The following APBB2 variants were observed in gnomAD, a reference collection of about 807,000 sequenced individuals.
The protein encoded by APBB2 is amyloid beta precursor protein binding family B member 2.
Under a neutral mutation model 82.5 loss-of-function variants are expected in APBB2, and 38 were observed. The observed-to-expected ratio is 0.46, with a 90% CI of 0.36 to 0.60. APBB2 has a LOEUF of 0.60. APBB2 is among the 20% of genes least tolerant of loss of function. APBB2 has a pLI of 0.00. For synonymous variants in APBB2, 341 were observed against 368.2 expected, an observed-to-expected ratio of 0.93 and a Z score of 0.85; for missense variants, 772 against 972.3, an observed-to-expected ratio of 0.79 and a Z score of 2.74.
In APBB2 at chr4:41,142,066, A is replaced by C. The variant is rs142251829; in HGVS notation, c.-261+921T>G. Among the ~76,000 whole-genome samples, 68 of 152,286 alleles carry C rather than the reference A, an allele frequency of 4.5e-4. 1 individual carries two copies. In the East Asian group the frequency reaches 0.011, roughly 24 times the overall value. ...AAACAAGGGCAATTGTCCAGGAAAA[A>C]TCTGGATGATTTATTAAAAGATGGA... On this transcript the variant is annotated intron_variant, in intron 2 of 17. Coordinates refer to ENST00000508593, the MANE Select transcript of APBB2 (RefSeq NM_004307.2).
intron 12 of APBB2, among the ~76,000 whole-genome samples, chr4:40,890,090 T>C (rs1771527163): frequency 6.6e-6 from 1 of 152,148 alleles, no homozygotes; most frequent in Non-Finnish European, 1.5e-5. Context: ...GAAACTTGGT[T>C]GCATGAGGAG....
chr4:41,065,740 T>C (rs1199699974), intron 3 of APBB2, 67 bp from the exon 4 acceptor site: 1 of 151,616 alleles, frequency 6.6e-6, no homozygotes, highest in Non-Finnish European at 1.5e-5. Context: ...ACAGCTTTTT[T>C]TTTTTTTTTT....
At position 40,811,811 on chromosome 4, in the gene APBB2, C is replaced by T. The variant is rs371557791; in HGVS notation, c.*4281G>A. 2.0e-5 allele frequency: 3 copies of T among 152,144 alleles called. No homozygotes were observed. Among genetic ancestry groups the T allele is most frequent in the African/African-American group, 4.8e-5 (2 of 41,446 alleles). The allele number at this position is 152,144 out of a possible 1,614,324, so 9.4% of individuals were successfully genotyped here. Reference sequence around the variant, plus strand: ...AACCACTGTGGAAGTGCAAGATGAACAAAAAGCGGGGACATACTTTAAATT... The same window carrying T: ...AACCACTGTGGAAGTGCAAGATGAATAAAAAGCGGGGACATACTTTAAATT... On this transcript the variant is annotated 3_prime_UTR_variant, in exon 18 of 18. Coordinates refer to ENST00000508593, the MANE Select transcript of APBB2 (RefSeq NM_004307.2).
At chr4:41,152,596 G>A (rs1560893097) in intron 1 of APBB2, among the ~76,000 whole-genome samples, 1 of 152,104 alleles carries the variant, frequency 6.6e-6, no homozygotes, top group Non-Finnish European at 1.5e-5. Context: ...CCAAAGTGCT[G>A]GGATTACAGG....
chr4:40,946,234 A>AG, intron 6 of APBB2, among the ~76,000 whole-genome samples: 1 of 62,070 alleles, frequency 1.6e-5, no homozygotes, highest in Non-Finnish European at 3.3e-5. Context: ...TCTATCTCCA[A>AG]AAAAAAAAAA....
chr4:40,948,945 TTA>T (rs1017633211), intron 6 of APBB2, among the ~76,000 whole-genome samples: 18 of 150,728 alleles, frequency 1.2e-4, no homozygotes, highest in Non-Finnish European at 2.2e-4. Context: ...ACTTTGGACT[TTA>T]TTAATTTTAT....
At position 41,127,167 on chromosome 4, in the gene APBB2, T is replaced by C. The variant is rs144201947; in HGVS notation, c.-261+15820A>G. Among the ~76,000 whole-genome samples the C allele has an allele frequency of 3.9e-4, 59 of 152,278 alleles. No homozygotes were observed. The highest frequency in any genetic ancestry group is 1.3e-3 in the African/African-American group (53 of 41,568). On this transcript the variant is annotated intron_variant, in intron 2 of 17. Transcript: ENST00000508593. This position sits in a 1 kb window ranked among gnomAD's most constrained non-coding sequence, Gnocchi z 4.8. ...ACAATGTCCCAATGACACCCTGATTTTGATTACAAAAAAAAAAAGCAACAT... is the reference window on the plus strand; with the variant it reads ...ACAATGTCCCAATGACACCCTGATTCTGATTACAAAAAAAAAAAGCAACAT...
chr4:40,900,614 C>T (rs1450497255), intron 10 of APBB2, among the ~76,000 whole-genome samples: 1 of 152,048 alleles, frequency 6.6e-6, no homozygotes, highest in Non-Finnish European at 1.5e-5. Context: ...GACCACCACG[C>T]TCACCTAATT....
intron 4 of APBB2, among the ~76,000 whole-genome samples, chr4:41,042,704 A>G (rs1229950318): frequency 6.6e-6 from 1 of 152,210 alleles, no homozygotes; most frequent in Non-Finnish European, 1.5e-5. Context: ...AAGCCAGCCA[A>G]CCATCAAACA....
Position 41,193,685 on chromosome 4 carries a change from T to C in APBB2, c.-417+20720A>G. ...TTGGATACAGAACCACCACTGCTGCTGTTACAGCAACTGTCTGAAAAACAC... is the reference window on the plus strand; with the variant it reads ...TTGGATACAGAACCACCACTGCTGCCGTTACAGCAACTGTCTGAAAAACAC... On this transcript the variant is annotated intron_variant, in intron 1 of 17. Coordinates refer to ENST00000508593, the MANE Select transcript of APBB2 (RefSeq NM_004307.2). The C allele has an allele frequency of 7.7e-4, 284 of 368,894 alleles. 3 individuals carry two copies. The Admixed American group carries it at 0.017, about 22-fold the overall frequency. 22.9% of individuals were successfully genotyped at this position (368,894 alleles called of 1,614,324 possible).
intron 2 of APBB2, among the ~76,000 whole-genome samples, chr4:41,137,107 A>G (rs772369271): frequency 1.3e-5 from 2 of 152,186 alleles, no homozygotes; most frequent in Non-Finnish European, 2.9e-5. Flanking sequence ...AAAATGTCCC[A>G]TTTTCATAAA....
At position 41,013,674 on chromosome 4, in the gene APBB2, G is replaced by C. The variant is rs750524542; in HGVS notation, c.744C>G (p.His248Gln). Reference protein sequence around the residue: ...KTGAKTDCALHRIQNLAPSDE... With the variant: ...KTGAKTDCALQRIQNLAPSDE... ...CGCTCGGTGCCAGGTTCTGGATCCGGTGCAGTGCACAGTCGGTTTTGGCCC... is the reference window on the plus strand; with the variant it reads ...CGCTCGGTGCCAGGTTCTGGATCCGCTGCAGTGCACAGTCGGTTTTGGCCC... The change falls in exon 6 of 18, where the codon CAC becomes CAG. Residue 248 changes from histidine (H) to glutamine (Q), a missense_variant. Physicochemically the swap from His to Gln is conservative, Grantham distance 24. Coordinates refer to ENST00000508593, the MANE Select transcript of APBB2 (RefSeq NM_004307.2). 6 of 1,614,226 alleles carry C rather than the reference G, an allele frequency of 3.7e-6. No homozygotes were observed. Among genetic ancestry groups the C allele is most frequent in the Non-Finnish European group, 5.1e-6 (6 of 1,180,040 alleles).
At chr4:40,922,195 G>A (rs1218779059) in intron 10 of APBB2, among the ~76,000 whole-genome samples, 2 of 152,200 alleles carry the variant, frequency 1.3e-5, no homozygotes, top group African/African-American at 4.8e-5. Context: ...AATCCAACTT[G>A]CAGTGCAGTT....
rs1427042501 is a variant in APBB2, at chr4:40,893,295, G to A, written c.1371C>T (p.Asp457=). Residue 457 remains aspartate (D), a synonymous_variant, in exon 11 of 18, where the codon GAC becomes GAT. Coordinates refer to ENST00000508593, the MANE Select transcript of APBB2 (RefSeq NM_004307.2). ...CIRQLSYCKN[D]IRDTVGIWGE... ...CCCAAATCCCGACTGTGTCTCGGAT[G>A]TCATTTTTGCAGTAGGAAAGTTGCC... is the stretch of plus-strand genomic sequence containing the variant. The A allele has an allele frequency of 6.2e-7, 1 of 1,613,856 alleles. No homozygotes were observed. The highest frequency in any genetic ancestry group is 8.5e-7 in the Non-Finnish European group (1 of 1,179,916).
intron 1 of APBB2, among the ~76,000 whole-genome samples, chr4:41,180,971 C>T (rs1345464970): frequency 6.6e-6 from 1 of 151,886 alleles, no homozygotes; most frequent in Non-Finnish European, 1.5e-5. Flanking sequence ...CACATTTGAT[C>T]AAATGAATCC....
chr4:41,008,053 G>A (rs1406803305), intron 6 of APBB2, among the ~76,000 whole-genome samples: 1 of 152,200 alleles, frequency 6.6e-6, no homozygotes, highest in Admixed American at 6.5e-5. Flanking sequence ...TAGAGGAATG[G>A]AAAGATCCCC....
intron 1 of APBB2, among the ~76,000 whole-genome samples, chr4:41,155,648 G>A (rs553345481): frequency 1.3e-5 from 2 of 152,322 alleles, no homozygotes; most frequent in East Asian, 3.9e-4. Flanking sequence ...GGCAGACATG[G>A]TGCTACCCGT....
intron 6 of APBB2, among the ~76,000 whole-genome samples, chr4:40,983,474 G>T (rs1290940480): frequency 6.6e-6 from 1 of 152,200 alleles, no homozygotes; most frequent in East Asian, 1.9e-4. Context: ...ATTCTAGGAG[G>T]TAGGTAAATA....
chr4:40,935,387 A>T (rs1785148800), intron 7 of APBB2: 4 of 470,610 alleles, frequency 8.5e-6, no homozygotes, highest in African/African-American at 2.0e-5. Context: ...ACATTATTAG[A>T]AGCAGACAGT....
Sources: allele counts gnomAD v4.1 joint callset (sites outside exome capture counted in the v4.1 genomes callset), GRCh38; gene constraint gnomAD v4.1.1; non-coding constraint Gnocchi (gnomAD v3.1); transcripts MANE v1.5; gene names NCBI Gene and HGNC (gene_info 2026-07-23, HGNC 2026-07-21).